The following ISM1 variants were observed in gnomAD, a reference collection of about 807,000 sequenced individuals.
The protein encoded by ISM1 is isthmin 1.
A neutral mutation model predicts 46.3 loss-of-function variants in ISM1; 25 were observed. The ratio of observed to expected loss-of-function variants is 0.54; its 90% CI spans 0.39 to 0.75. The LOEUF is 0.75. ISM1 is among the 30% of genes least tolerant of loss of function. The pLI, the probability that ISM1 is intolerant of heterozygous loss-of-function variation, is 0.00. For synonymous variants in ISM1, 255 were observed against 256.7 expected, an observed-to-expected ratio of 0.99 and a Z score of 0.06; for missense variants, 536 against 625.4, an observed-to-expected ratio of 0.86 and a Z score of 1.52.
chr20:13,225,694 A>G (rs1157928933), intron 1 of ISM1, among the ~76,000 whole-genome samples: 1 of 152,216 alleles, frequency 6.6e-6, no homozygotes, highest in Non-Finnish European at 1.5e-5. Context: ...CAGTATTTTT[A>G]AAATATCTAG....
the ISM1 span, among the ~76,000 whole-genome samples, chr20:13,326,383 A>C: frequency 6.6e-6 from 1 of 152,156 alleles, no homozygotes; most frequent in East Asian, 1.9e-4. Flanking sequence ...ATTCGATTTA[A>C]GTATATGTAT....
rs2039449300 is a variant in ISM1, at chr20:13,221,658, C to G, written c.-119C>G. The G allele has an allele frequency of 1.2e-6, 1 of 859,598 alleles. No homozygotes were observed. The highest frequency in any genetic ancestry group is 1.5e-6 in the Non-Finnish European group (1 of 665,398). The allele number at this position is 859,598 out of a possible 1,614,324, so 53.2% of individuals were successfully genotyped here. The stretch of plus-strand genomic sequence containing the variant: ...GCGGGCCCGGGAAGCGGAGCCCTGG[C>G]GGGAGCCGAGGCGGGAGCCGCGCTG... On this transcript the variant is annotated 5_prime_UTR_variant, in exon 1 of 6. Transcript: ENST00000262487.
At chr20:13,266,128 G>A (rs965225927) in intron 1 of ISM1, among the ~76,000 whole-genome samples, 12 of 152,210 alleles carry the variant, frequency 7.9e-5, no homozygotes, top group African/African-American at 1.9e-4. Flanking sequence ...TCATATGGTC[G>A]CACTCAGATG....
intron 1 of ISM1, among the ~76,000 whole-genome samples, chr20:13,224,841 C>CTTTTTTTTTTTTT (rs1162270732): frequency 1.9e-5 from 2 of 107,258 alleles, no homozygotes; most frequent in Non-Finnish European, 3.8e-5. Context: ...AGCTTTCTTT[C>CTTTTTTTTTTTTT]TTTTTTTTTT....
At chr20:13,308,687 T>A in the ISM1 span, among the ~76,000 whole-genome samples, 1 of 152,146 alleles carries the variant, frequency 6.6e-6, no homozygotes, top group Non-Finnish European at 1.5e-5. Flanking sequence ...CTATACTGTC[T>A]GAAAAAGAAA....
chr20:13,325,705 T>A, the ISM1 span, among the ~76,000 whole-genome samples: 25 of 152,246 alleles, frequency 1.6e-4, no homozygotes, highest in Non-Finnish European at 3.7e-4. Flanking sequence ...TAATATCCAT[T>A]CATTCCTTCC....
intron 3 of ISM1, among the ~76,000 whole-genome samples, chr20:13,281,720 G>T (rs1401307047): frequency 6.6e-6 from 1 of 152,200 alleles, no homozygotes; most frequent in African/African-American, 2.4e-5. Context: ...ATAGGAATGG[G>T]AGGAAAAGAT....
chr20:13,233,366 C>T (rs1381565833), intron 1 of ISM1, among the ~76,000 whole-genome samples: 1 of 152,084 alleles, frequency 6.6e-6, no homozygotes, highest in East Asian at 1.9e-4. Flanking sequence ...GAGGCCAAGG[C>T]GGGTGGATCA....
intron 4 of ISM1, among the ~76,000 whole-genome samples, chr20:13,290,473 T>C (rs983520365): frequency 6.6e-6 from 1 of 151,972 alleles, no homozygotes; most frequent in Non-Finnish European, 1.5e-5. Context: ...CACGGTGAAA[T>C]GCCGTCTCTA....
chr20:13,303,642 A>T (rs1374474929), downstream of ISM1, among the ~76,000 whole-genome samples: 1 of 152,202 alleles, frequency 6.6e-6, no homozygotes, highest in African/African-American at 2.4e-5. Context: ...CTGGACTCCA[A>T]TCCTGACTCT....
chr20:13,319,304 A>T, the ISM1 span, among the ~76,000 whole-genome samples: 1 of 152,156 alleles, frequency 6.6e-6, no homozygotes, highest in African/African-American at 2.4e-5. Flanking sequence ...CTGCTGCATG[A>T]ACTAGACACT....
chr20:13,285,270 G>A (rs2040279325), intron 3 of ISM1, among the ~76,000 whole-genome samples: 1 of 151,958 alleles, frequency 6.6e-6, no homozygotes, highest in South Asian at 2.1e-4. Context: ...CAGCCTAGGT[G>A]ACAGAGTGAA....
rs2039942819 is a variant in ISM1 at position 13,257,630 on chromosome 20, C to T, written c.139-12874C>T. Among the ~76,000 whole-genome samples the T allele has an allele frequency of 3.3e-5, 5 of 151,934 alleles. No individual in the cohort carries two copies. In the South Asian group the frequency reaches 1.0e-3, roughly 31 times the overall value. On this transcript the variant is annotated intron_variant, in intron 1 of 5. Coordinates refer to ENST00000262487, the MANE Select transcript of ISM1 (RefSeq NM_080826.2). ...ATATCTATGGGTTTTGTTGACGAGA[C>T]CTGATTAACCCTAAAAAGTCATTAC...
intron 5 of ISM1, among the ~76,000 whole-genome samples, chr20:13,295,667 G>A (rs1348900472): frequency 6.6e-6 from 1 of 152,212 alleles, no homozygotes; most frequent in African/African-American, 2.4e-5. Context: ...GGACTAGGCA[G>A]GGACAGCTTT....
At chr20:13,254,051 T>A (rs1478369941) in intron 1 of ISM1, among the ~76,000 whole-genome samples, 1 of 117,144 alleles carries the variant, frequency 8.5e-6, no homozygotes. Flanking sequence ...AACCCCATCA[T>A]CTCTACTAAA....
At chr20:13,270,771 G>C (rs1261258295) in intron 2 of ISM1, 28 bp downstream of exon 2, 1 of 1,603,276 alleles carries the variant, frequency 6.2e-7, no homozygotes, top group Admixed American at 1.7e-5. Context: ...GAAGATGGGA[G>C]ATAACAAAAC....
chr20:13,306,671 G>A, the ISM1 span, among the ~76,000 whole-genome samples: 1 of 150,780 alleles, frequency 6.6e-6, no homozygotes, highest in Non-Finnish European at 1.5e-5. Context: ...ATCAACATAA[G>A]TAAAGGGAGG....
Position 13,292,399 on chromosome 20 carries a change from T to C in ISM1, c.813T>C (p.Ala271=). 1 of 1,606,238 alleles carries C rather than the reference T, an allele frequency of 6.2e-7. No homozygotes were observed. The part of the protein sequence containing the change: ...CPGIEDTFRT[A]ATEVSLLAGS... ...GAATTGAAGACACTTTTAGGACAGC[T>C]GCCACCGAAGTGAGTCTGCTTGCGG... Residue 271 remains alanine, a synonymous_variant, in exon 5 of 6, where the codon GCT becomes GCC. Transcript: ENST00000262487.
chr20:13,245,707 C>G (rs564878714), intron 1 of ISM1, among the ~76,000 whole-genome samples: 1 of 152,240 alleles, frequency 6.6e-6, no homozygotes, highest in East Asian at 1.9e-4. Context: ...TTTCTCATTT[C>G]TCTCCTTTCA....
Sources: allele counts gnomAD v4.1 joint callset (sites outside exome capture counted in the v4.1 genomes callset), GRCh38; gene constraint gnomAD v4.1.1; transcripts MANE v1.5; gene names NCBI Gene and HGNC (gene_info 2026-07-23, HGNC 2026-07-21).